Variants in GRM1 observed in about 807,000 individuals in gnomAD.
GRM1 encodes metabotropic glutamate receptor 1.
In GRM1, 33 loss-of-function variants were observed where a neutral mutation model predicts 90.9. That is an observed-to-expected ratio of 0.36 (90% CI 0.28 to 0.49). The LOEUF is 0.49. Among genes scored for constraint, GRM1 ranks in the 20% least tolerant of loss-of-function variants. The pLI is 0.99. For missense variants in GRM1, 1,190 were observed against 1,534.3 expected, an observed-to-expected ratio of 0.78 and a Z score of 3.75; for synonymous variants, 700 against 613.2, an observed-to-expected ratio of 1.14 and a Z score of -2.09.
At chr6:146,150,940 A>C (rs199940078) in intron 1 of GRM1, among the ~76,000 whole-genome samples, 1 of 120,124 alleles carries the variant, frequency 8.3e-6, no homozygotes, top group African/African-American at 4.7e-5. Context: ...GTGTGCGCGC[A>C]CACACACACA....
At chr6:146,350,133 T>C (rs1467394396) in intron 3 of GRM1, among the ~76,000 whole-genome samples, 3 of 152,242 alleles carry the variant, frequency 2.0e-5, no homozygotes, top group Non-Finnish European at 4.4e-5. Context: ...ACAGTTCCTG[T>C]CTCAGTGCTG....
intron 4 of GRM1, among the ~76,000 whole-genome samples, chr6:146,355,323 G>A (rs1785546312): frequency 1.3e-5 from 2 of 152,138 alleles, no homozygotes; most frequent in South Asian, 4.1e-4. Context: ...TTCTCACTTG[G>A]ATATCACTCA....
intron 7 of GRM1, among the ~76,000 whole-genome samples, chr6:146,429,460 G>A (rs1160204999): frequency 6.6e-6 from 1 of 152,218 alleles, no homozygotes; most frequent in African/African-American, 2.4e-5. Context: ...CAAACTCGAG[G>A]TTGCCTGGGA....
chr6:146,134,310 TA>T (rs1195323815), intron 1 of GRM1, among the ~76,000 whole-genome samples: 2 of 152,178 alleles, frequency 1.3e-5, no homozygotes, highest in African/African-American at 4.8e-5. Context: ...ATAATGAATG[TA>T]AAGGGCTTAA....
At chr6:146,175,041 T>A (rs1024523300) in intron 2 of GRM1, among the ~76,000 whole-genome samples, 4 of 152,188 alleles carry the variant, frequency 2.6e-5, no homozygotes, top group African/African-American at 9.6e-5. Flanking sequence ...CTTTGGTAAC[T>A]AATTGTGGAA....
chr6:146,209,663 G>A (rs1284535068), intron 2 of GRM1, among the ~76,000 whole-genome samples: 1 of 152,122 alleles, frequency 6.6e-6, no homozygotes, highest in Non-Finnish European at 1.5e-5. Context: ...TTCATTCATG[G>A]AAGGGAGATG....
chr6:146,066,440 T>C (rs902057243), intron 1 of GRM1, among the ~76,000 whole-genome samples: 1 of 152,238 alleles, frequency 6.6e-6, no homozygotes, highest in African/African-American at 2.4e-5. Flanking sequence ...CTACATTTTC[T>C]TTATCCAATC....
intron 1 of GRM1, among the ~76,000 whole-genome samples, chr6:146,132,721 A>G (rs1360781071): frequency 6.6e-6 from 1 of 152,134 alleles, no homozygotes; most frequent in Admixed American, 6.5e-5. Context: ...CCTAGTATAG[A>G]TTTTTTTCCC....
intron 2 of GRM1, among the ~76,000 whole-genome samples, chr6:146,247,246 G>C (rs1483899371): frequency 6.6e-6 from 1 of 152,146 alleles, no homozygotes; most frequent in Non-Finnish European, 1.5e-5. Flanking sequence ...GAGGGAGGCT[G>C]TGTGTTACAT....
intron 5 of GRM1, among the ~76,000 whole-genome samples, chr6:146,369,239 G>A (rs1003495513): frequency 7.9e-5 from 12 of 151,140 alleles, no homozygotes; most frequent in Admixed American, 7.3e-4. Context: ...TTCTTAGCTT[G>A]TCTAGTTAAA....
intron 2 of GRM1, among the ~76,000 whole-genome samples, chr6:146,236,070 T>A (rs1780636696): frequency 1.3e-5 from 2 of 152,140 alleles, no homozygotes; most frequent in African/African-American, 4.8e-5. Flanking sequence ...TAATATGAGT[T>A]ATGTCATTCC....
intron 2 of GRM1, among the ~76,000 whole-genome samples, chr6:146,190,997 T>C (rs1485784383): frequency 6.6e-6 from 1 of 152,164 alleles, no homozygotes; most frequent in Admixed American, 6.5e-5. Flanking sequence ...ACCTCTTCAA[T>C]ATCATCACAC....
intron 4 of GRM1, among the ~76,000 whole-genome samples, chr6:146,356,671 A>G (rs565767041): frequency 6.6e-6 from 1 of 152,314 alleles, no homozygotes; most frequent in African/African-American, 2.4e-5. Flanking sequence ...CGTGAGGCTT[A>G]AAGAGTTTAG....
intron 1 of GRM1, among the ~76,000 whole-genome samples, chr6:146,041,320 A>T (rs1040673373): frequency 4.0e-5 from 6 of 151,808 alleles, no homozygotes; most frequent in Admixed American, 2.6e-4. Flanking sequence ...TTATGAATGG[A>T]TATCTGTGTC....
intron 3 of GRM1, among the ~76,000 whole-genome samples, chr6:146,309,365 C>CTCTA (rs1783698903): frequency 6.6e-6 from 1 of 151,438 alleles, no homozygotes; most frequent in African/African-American, 2.4e-5. Flanking sequence ...CGCCACTGCA[C>CTCTA]TCTAGCCTGA....
chr6:146,091,598 G>T (rs1159160205), intron 1 of GRM1, among the ~76,000 whole-genome samples: 1 of 152,068 alleles, frequency 6.6e-6, no homozygotes, highest in Non-Finnish European at 1.5e-5. Context: ...GTGTGGCAAG[G>T]ACATGGGGGA....
intron 1 of GRM1, among the ~76,000 whole-genome samples, chr6:146,122,440 A>G (rs1313438902): frequency 6.6e-6 from 1 of 152,102 alleles, no homozygotes; most frequent in Non-Finnish European, 1.5e-5. Context: ...CACTCTCTGA[A>G]GATGTTAGTG....
chr6:146,167,368 G>A (rs1777946069), intron 2 of GRM1, among the ~76,000 whole-genome samples: 1 of 152,210 alleles, frequency 6.6e-6, no homozygotes, highest in Admixed American at 6.6e-5. Context: ...AAGTCTTTGT[G>A]TGGACATGTA....
At chr6:146,270,385 TCAGA>T (rs1375329621) in intron 2 of GRM1, among the ~76,000 whole-genome samples, 1 of 152,216 alleles carries the variant, frequency 6.6e-6, no homozygotes, top group Non-Finnish European at 1.5e-5. Flanking sequence ...TTCTTCTGCC[TCAGA>T]CAGAAGAATC....
Sources: gnomAD v4.1 joint callset for allele counts (sites outside exome capture counted in the v4.1 genomes callset) on GRCh38, gnomAD v4.1.1 for gene constraint, MANE v1.5 for transcripts, NCBI Gene and HGNC (gene_info 2026-07-23, HGNC 2026-07-21) for gene names.